Variants in DDX60L observed in about 807,000 individuals in gnomAD.
DDX60L encodes the protein probable ATP-dependent RNA helicase DDX60-like.
DDX60L carries 191 observed loss-of-function variants against 211.6 expected under a neutral mutation model. That is an observed-to-expected ratio of 0.90 (90% CI 0.80 to 1.02). The LOEUF is 1.02. Ranked by LOEUF, DDX60L falls within the 50% of genes least tolerant of loss-of-function variation. DDX60L has a pLI of 0.00. For synonymous variants in DDX60L, 706 were observed against 694.1 expected (o/e 1.02, Z -0.27); for missense variants, 2,007 against 1,984.1 (o/e 1.01, Z -0.22).
chr4:168,439,839 G>C (rs1281344341), intron 10 of DDX60L, among the ~76,000 whole-genome samples: 1 of 152,152 alleles, frequency 6.6e-6, no homozygotes, highest in East Asian at 1.9e-4. Flanking sequence ...AAAGAGAACA[G>C]AGGGTGAAGA....
chr4:168,477,318 G>C (rs1384502953), intron 1 of DDX60L, among the ~76,000 whole-genome samples: 1 of 151,948 alleles, frequency 6.6e-6, no homozygotes, highest in African/African-American at 2.4e-5. Context: ...AGGAGGCTGA[G>C]GCAGGAGAAT....
rs772980074 is a variant in DDX60L at position 168,379,736 on chromosome 4, A to T, written c.4211T>A (p.Leu1404His). The change falls in exon 31 of 38, where the codon CTT becomes CAT. Residue 1404 changes from leucine to histidine, a missense_variant. Coordinates refer to ENST00000682922, the MANE Select transcript of DDX60L (RefSeq NM_001012967.3). Reference sequence around the variant, plus strand: ...AAAGCACGATGATACCTCTTTGATAAGGAGCTGCAAGGAAAACAAAAAGTA... The same window carrying T: ...AAAGCACGATGATACCTCTTTGATATGGAGCTGCAAGGAAAACAAAAAGTA... ...KLYFLFSLQLLIKEDYLNKKG... is the reference protein window; with the variant it reads ...KLYFLFSLQLHIKEDYLNKKG... 6.2e-7 allele frequency: 1 copy of T among 1,612,394 alleles called. No individual in the cohort carries two copies. The highest frequency in any genetic ancestry group is 8.5e-7 in the Non-Finnish European group (1 of 1,178,920).
chr4:168,455,990 C>A, intron 7 of DDX60L, 49 bp downstream of exon 7: 1 of 1,306,026 alleles, frequency 7.7e-7, no homozygotes, highest in Non-Finnish European at 1.1e-6. Flanking sequence ...ACCAGTTACA[C>A]CTGATGAATG....
intron 29 of DDX60L, among the ~76,000 whole-genome samples, chr4:168,386,752 TGAA>T (rs1457729589): frequency 1.3e-5 from 2 of 151,896 alleles, no homozygotes; most frequent in Non-Finnish European, 2.9e-5. Context: ...ATGAGATTCC[TGAA>T]GATTACGTGG....
At chr4:168,464,716 C>T (rs1757753343) in intron 4 of DDX60L, among the ~76,000 whole-genome samples, 1 of 151,942 alleles carries the variant, frequency 6.6e-6, no homozygotes, top group Admixed American at 6.6e-5. Flanking sequence ...GGAAACATGC[C>T]AAATCTGCTC....
intron 1 of DDX60L, among the ~76,000 whole-genome samples, chr4:168,479,321 T>G (rs1040990928): frequency 6.6e-6 from 1 of 152,250 alleles, no homozygotes; most frequent in Non-Finnish European, 1.5e-5. Flanking sequence ...TCTCAGCACC[T>G]GAGTTCCACC....
At chr4:168,376,860 T>C (rs1378337655) in intron 33 of DDX60L, among the ~76,000 whole-genome samples, 1 of 152,246 alleles carries the variant, frequency 6.6e-6, no homozygotes, top group African/African-American at 2.4e-5. Flanking sequence ...AGTTTACACA[T>C]ATTTATTGCT....
chr4:168,424,350 T>G (rs1751133898), intron 14 of DDX60L, among the ~76,000 whole-genome samples: 3 of 152,238 alleles, frequency 2.0e-5, no homozygotes, highest in African/African-American at 7.2e-5. Context: ...CCTGTTCACT[T>G]ATAGCCTCTT....
At chr4:168,371,120 ATATTT>A (rs1740940292) in intron 36 of DDX60L, among the ~76,000 whole-genome samples, 1 of 144,546 alleles carries the variant, frequency 6.9e-6, no homozygotes, top group Non-Finnish European at 1.5e-5. Flanking sequence ...ATAAAAAATA[ATATTT>A]TATATACTCC....
intron 13 of DDX60L, among the ~76,000 whole-genome samples, chr4:168,429,294 G>A (rs937759938): frequency 3.9e-5 from 6 of 151,968 alleles, no homozygotes; most frequent in East Asian, 3.9e-4. Flanking sequence ...ACAGGCACCC[G>A]CCACCATTCC....
intron 30 of DDX60L, among the ~76,000 whole-genome samples, chr4:168,384,059 G>A (rs183609369): frequency 6.6e-6 from 1 of 152,170 alleles, no homozygotes; most frequent in Non-Finnish European, 1.5e-5. Context: ...TTTCTCCTGT[G>A]CTGGATACTT....
intron 33 of DDX60L, among the ~76,000 whole-genome samples, chr4:168,376,679 T>G (rs2149661858): frequency 6.6e-6 from 1 of 152,354 alleles, no homozygotes; most frequent in South Asian, 2.1e-4. Context: ...ATGCCTTCCA[T>G]GTCCTGCCAT....
chr4:168,398,977 C>A (rs1164617719), intron 26 of DDX60L, among the ~76,000 whole-genome samples: 1 of 152,206 alleles, frequency 6.6e-6, no homozygotes, highest in African/African-American at 2.4e-5. Context: ...ACTCCAGGGT[C>A]TCCTCTCTGC....
intron 9 of DDX60L, among the ~76,000 whole-genome samples, chr4:168,443,527 C>G (rs186562751): frequency 6.6e-6 from 1 of 151,700 alleles, no homozygotes. Flanking sequence ...ATATAGAGAA[C>G]GCCAAAAAGA....
At chr4:168,364,138 T>C (rs1048797560) in intron 36 of DDX60L, among the ~76,000 whole-genome samples, 5 of 151,930 alleles carry the variant, frequency 3.3e-5, no homozygotes, top group African/African-American at 1.2e-4. Context: ...ATTAACTCAA[T>C]GTACAATTGT....
At chr4:168,408,761 C>T (rs540755997) in intron 22 of DDX60L, among the ~76,000 whole-genome samples, 6 of 152,248 alleles carry the variant, frequency 3.9e-5, no homozygotes, top group Admixed American at 1.3e-4. Context: ...TGTTCTTTTA[C>T]GGCAGCATAA....
In DDX60L at chr4:168,356,799, C is replaced by G. The variant is rs1738283284; in HGVS notation, c.*1348G>C. On this transcript the variant is annotated 3_prime_UTR_variant, in exon 38 of 38. Coordinates refer to ENST00000682922, the MANE Select transcript of DDX60L (RefSeq NM_001012967.3). ...ACTTACTACATAAACTACAACAATA[C>G]CAAGTTTTCAGCTAATTGTTTGCTT... 6.6e-6 allele frequency: 1 copy of G among 152,174 alleles called. No homozygotes were observed. The highest frequency in any genetic ancestry group is 2.1e-4 in the South Asian group (1 of 4,830). 9.4% of individuals were successfully genotyped at this position (152,174 alleles called of 1,614,324 possible).
In DDX60L at chr4:168,419,416, A is replaced by C; in HGVS notation, c.2515-19T>G. On this transcript the variant is annotated intron_variant, in intron 18 of 37. Coordinates refer to ENST00000682922, the MANE Select transcript of DDX60L (RefSeq NM_001012967.3). ...TAAGTACCTACAAATATGAATGATTAGTGTAGCTAACTTTATGGAGCATTA... is the reference window on the plus strand; with the variant it reads ...TAAGTACCTACAAATATGAATGATTCGTGTAGCTAACTTTATGGAGCATTA... The C allele has an allele frequency of 6.5e-7, 1 of 1,534,692 alleles. No individual in the cohort carries two copies. Among genetic ancestry groups the C allele is most frequent in the Non-Finnish European group, 8.8e-7 (1 of 1,130,384 alleles).
intron 8 of DDX60L, among the ~76,000 whole-genome samples, chr4:168,451,641 G>A (rs1561103001): frequency 6.6e-6 from 1 of 152,174 alleles, no homozygotes; most frequent in Non-Finnish European, 1.5e-5. Context: ...TGCGCTCTAT[G>A]CACTTCAGCC....
Sources: gnomAD v4.1 joint callset for allele counts (sites outside exome capture counted in the v4.1 genomes callset) on GRCh38, gnomAD v4.1.1 for gene constraint, MANE v1.5 for transcripts, NCBI Gene and HGNC (gene_info 2026-07-23, HGNC 2026-07-21) for gene names.